SRGAP3: variants seen among roughly 807,000 people sequenced by gnomAD.
SRGAP3 encodes SLIT-ROBO Rho GTPase activating protein 3.
In SRGAP3, 39 loss-of-function variants were observed where a neutral mutation model predicts 121.1. The observed-to-expected ratio is 0.32, with a 90% confidence interval of 0.25 to 0.42. The LOEUF is 0.42. Ranked by LOEUF, SRGAP3 falls within the 10% of genes least tolerant of loss-of-function variation. SRGAP3 has a pLI of 1.00. For missense variants in SRGAP3, 1,213 were observed against 1,470.6 expected, an observed-to-expected ratio of 0.82 and a Z score of 2.86; for synonymous variants, 601 against 570.0, an observed-to-expected ratio of 1.05 and a Z score of -0.77.
chr3:9,219,767 T>A (rs1952745591), intron 1 of SRGAP3, among the ~76,000 whole-genome samples: 1 of 151,980 alleles, frequency 6.6e-6, no homozygotes, highest in African/African-American at 2.4e-5. Context: ...AGGAGAATGG[T>A]GTGAACCCGG....
At chr3:9,169,245 A>G (rs1950893400) in intron 1 of SRGAP3, among the ~76,000 whole-genome samples, 1 of 152,230 alleles carries the variant, frequency 6.6e-6, no homozygotes, top group Non-Finnish European at 1.5e-5. Context: ...ACTGCAAAGA[A>G]GCACTTTGTA....
Position 9,015,585 on chromosome 3 carries a change from G to A in SRGAP3, c.1813+12C>T, listed in dbSNP as rs773037634. ...GTCAAAAAACTGATCATTTCACCTG[G>A]GAAATACTTACTAATAGTAGATATC... On this transcript the variant is annotated intron_variant, in intron 15 of 21. Transcript: ENST00000383836. The A allele has an allele frequency of 1.6e-5, 26 of 1,613,794 alleles. No homozygotes were observed. The East Asian group carries it at 4.9e-4, about 30-fold the overall frequency.
At chr3:9,165,773 C>T (rs945353123) in intron 1 of SRGAP3, among the ~76,000 whole-genome samples, 4 of 152,160 alleles carry the variant, frequency 2.6e-5, no homozygotes, top group Non-Finnish European at 4.4e-5. Flanking sequence ...TGGTCTGCAG[C>T]GCTCCTTTAA....
intron 1 of SRGAP3, among the ~76,000 whole-genome samples, chr3:9,168,088 G>A (rs1322986485): frequency 6.6e-6 from 1 of 152,198 alleles, no homozygotes; most frequent in African/African-American, 2.4e-5. Context: ...AGGAAACCCG[G>A]AGAGGTTAAG....
intron 21 of SRGAP3, among the ~76,000 whole-genome samples, chr3:8,986,152 A>G (rs958122271): frequency 4.6e-5 from 7 of 152,196 alleles, no homozygotes; most frequent in African/African-American, 1.7e-4. Context: ...AGGGCAGGTC[A>G]GACTACTGAT....
At chr3:9,232,068 A>G (rs561764429) in intron 1 of SRGAP3, among the ~76,000 whole-genome samples, 96 of 152,358 alleles carry the variant, frequency 6.3e-4, no homozygotes, top group Non-Finnish European at 1.3e-3. Context: ...GTTTTGAAAG[A>G]GTATGGAAAA....
chr3:9,185,374 A>G (rs567523676), intron 1 of SRGAP3, among the ~76,000 whole-genome samples: 1 of 152,168 alleles, frequency 6.6e-6, no homozygotes, highest in Non-Finnish European at 1.5e-5. Context: ...AGGGAGGATC[A>G]TGACTGGAGT....
chr3:9,280,354 C>T (rs1466704112), intron 3 of SRGAP3, among the ~76,000 whole-genome samples: 1 of 152,238 alleles, frequency 6.6e-6, no homozygotes, highest in African/African-American at 2.4e-5. Flanking sequence ...TCCCTTTCTG[C>T]TACTGCTGTG....
At chr3:9,013,880 C>T (rs946618035) in intron 15 of SRGAP3, 38 bp from the exon 16 acceptor site, 28 of 1,591,640 alleles carry the variant, frequency 1.8e-5, no homozygotes, top group Non-Finnish European at 2.3e-5. Flanking sequence ...GCCTTTCATC[C>T]TCAGAGAGCA....
At chr3:9,161,168 TTAA>T (rs1357617761) in intron 1 of SRGAP3, among the ~76,000 whole-genome samples, 1 of 152,268 alleles carries the variant, frequency 6.6e-6, no homozygotes, top group Admixed American at 6.5e-5. Context: ...TACTAATTAA[TTAA>T]TGAGAACAAA....
rs754304919 is a variant in SRGAP3, at chr3:9,060,221, G to C, written c.801+10C>G. The C allele has an allele frequency of 3.7e-6, 6 of 1,613,878 alleles. No homozygotes were observed. The highest frequency in any genetic ancestry group is 5.1e-6 in the Non-Finnish European group (6 of 1,179,870). On this transcript the variant is annotated intron_variant, in intron 6 of 21. Transcript: ENST00000383836. ...GCCCTGCTCAGTCCCAGACTCCCCA[G>C]GGAGCTCACATCGATCAGATCAGAG...
chr3:9,202,381 G>A lies in SRGAP3; in HGVS notation c.67+46504C>T, dbSNP rs150182005. Among the ~76,000 whole-genome samples, 236 of 152,290 alleles carry A rather than the reference G, an allele frequency of 1.5e-3. 1 individual carries two copies. The highest frequency in any genetic ancestry group is 1.4e-3 in the Non-Finnish European group (96 of 68,028). ...AAGCTCAGCCCCCTCCCAAGACACA[G>A]CCTATCCAGACACCAAGCTTTCCAT... On this transcript the variant is annotated intron_variant, in intron 1 of 21. Coordinates refer to ENST00000383836, the MANE Select transcript of SRGAP3 (RefSeq NM_014850.4).
At chr3:9,040,530 T>C (rs1944965244) in intron 10 of SRGAP3, among the ~76,000 whole-genome samples, 2 of 151,870 alleles carry the variant, frequency 1.3e-5, no homozygotes, top group African/African-American at 4.8e-5. Context: ...TCCTCTATCT[T>C]TATTATTTAT....
chr3:9,305,233 G>A lies in SRGAP3; in HGVS notation n.442+20777C>T, dbSNP rs560308517. On this transcript the variant is annotated intron_variant and non_coding_transcript_variant, in intron 3 of 3. Transcript: ENST00000490889. The stretch of plus-strand genomic sequence containing the variant: ...TTGGGCAGGAAGAGCCTCAGGCTTC[G>A]GGACTGTAGTGTCCTCCTGGTGCTC... Among the ~76,000 whole-genome samples, 18 of 152,212 alleles carry A rather than the reference G, an allele frequency of 1.2e-4. No homozygotes were observed. The East Asian group carries it at 2.5e-3, about 21-fold the overall frequency.
chr3:8,986,934 C>T (rs546580039), intron 21 of SRGAP3, among the ~76,000 whole-genome samples: 3 of 152,206 alleles, frequency 2.0e-5, no homozygotes, highest in Admixed American at 6.5e-5. Flanking sequence ...CCTCAGCTCC[C>T]GTCCCCTCAT....
At chr3:9,277,607 CA>C (rs35955575) in intron 3 of SRGAP3, among the ~76,000 whole-genome samples, 8,745 of 59,582 alleles carry the variant, frequency 0.15, 229 homozygotes, top group South Asian at 0.18. Context: ...GAAGCCATCT[CA>C]AAAAAAAAAA....
rs1022654550 is a variant in SRGAP3 at position 9,058,471 on chromosome 3, C to A, written c.803G>T (p.Cys268Phe). The change falls in exon 7 of 22, where the codon TGC becomes TTC. Residue 268 changes from cysteine to phenylalanine, a missense_variant and splice_region_variant. Cys to Phe is a radical substitution (Grantham distance 205, BLOSUM62 -2). Transcript: ENST00000383836. Reference protein sequence around the residue: ...YIHDVSDLIDCCDLGFHASLA... With the variant: ...YIHDVSDLIDFCDLGFHASLA... ...GCTGGCATGGAAGCCCAAATCACAG[C>A]ACTTGGGGAGAGGCAACAACGGAAG... 1.2e-6 allele frequency: 2 copies of A among 1,613,626 alleles called. No homozygotes were observed. Among genetic ancestry groups the A allele is most frequent in the Non-Finnish European group, 1.7e-6 (2 of 1,180,038 alleles).
chr3:9,203,824 C>A (rs920886662), intron 1 of SRGAP3, among the ~76,000 whole-genome samples: 2 of 152,198 alleles, frequency 1.3e-5, no homozygotes, highest in African/African-American at 2.4e-5. Flanking sequence ...CCCTTTACAA[C>A]GTGCAAATGG....
At chr3:9,210,585 G>A (rs147531615) in intron 1 of SRGAP3, among the ~76,000 whole-genome samples, 2,726 of 152,276 alleles carry the variant, frequency 0.018, 33 homozygotes, top group Non-Finnish European at 0.024. Flanking sequence ...AGCACTTTGG[G>A]AGGCTGAGGC....
Sources: gnomAD v4.1 joint callset for allele counts (sites outside exome capture counted in the v4.1 genomes callset) on GRCh38, gnomAD v4.1.1 for gene constraint, MANE v1.5 for transcripts, NCBI Gene and HGNC (gene_info 2026-07-23, HGNC 2026-07-21) for gene names.